STXBP3: variants seen among roughly 807,000 people sequenced by gnomAD.
STXBP3 encodes syntaxin binding protein 3.
In STXBP3, 41 loss-of-function variants were observed where a neutral mutation model predicts 85.7. The observed-to-expected ratio is 0.48, with a 90% CI of 0.37 to 0.62. The LOEUF (loss-of-function observed/expected upper bound fraction) is 0.62. Ranked by LOEUF, STXBP3 falls within the 20% of genes least tolerant of loss-of-function variation. The pLI is 0.00. For synonymous variants in STXBP3, 229 were observed against 231.7 expected (o/e 0.99, Z 0.10); for missense variants, 563 against 703.1 (o/e 0.80, Z 2.25).
intron 1 of STXBP3, 97 bp from the exon 2 acceptor site, chr1:108,752,160 A>G: frequency 8.8e-7 from 1 of 1,137,986 alleles, no homozygotes; most frequent in Non-Finnish European, 1.3e-6. Context: ...AGTTTAACAA[A>G]TTTCAAATTG....
intron 16 of STXBP3, among the ~76,000 whole-genome samples, chr1:108,799,296 T>A (rs1418246580): frequency 6.6e-6 from 1 of 152,228 alleles, no homozygotes; most frequent in African/African-American, 2.4e-5. Flanking sequence ...TTTTCCTTTC[T>A]CACAGGGATG....
chr1:108,768,604 T>C (rs1241777398), intron 6 of STXBP3, among the ~76,000 whole-genome samples: 1 of 152,068 alleles, frequency 6.6e-6, no homozygotes, highest in Non-Finnish European at 1.5e-5. Context: ...TGTAGGTAGG[T>C]TGGGGCTATT....
In STXBP3 at chr1:108,769,987, G is replaced by C. The variant is rs967758891; in HGVS notation, c.439-2678G>C. 2.6e-5 allele frequency among the ~76,000 whole-genome samples: 4 copies of C among 152,154 alleles called. No individual in the cohort carries two copies. In the East Asian group the frequency reaches 5.8e-4, roughly 22 times the overall value. On this transcript the variant is annotated intron_variant, in intron 6 of 18. Transcript: ENST00000370008. Reference sequence around the variant, plus strand: ...AAGCTTCTGCTGGGAAGTGGCACGTGTATCTTCTACATACATTCCAGGCTG... The same window carrying C: ...AAGCTTCTGCTGGGAAGTGGCACGTCTATCTTCTACATACATTCCAGGCTG...
At chr1:108,796,183 A>G (rs1447038590) in intron 13 of STXBP3, 51 bp from the exon 14 acceptor site, 2 of 1,583,322 alleles carry the variant, frequency 1.3e-6, no homozygotes, top group Non-Finnish European at 1.7e-6. Context: ...GTTTTTAACT[A>G]AAAAATGAAT....
At position 108,756,785 on chromosome 1, in the gene STXBP3, T is replaced by C; in HGVS notation, c.258+19T>C. ...ATCAAAGGTGAGTATTTTGAGACCT[T>C]AAAAAGCAGGTTCATCAATATTTCA... On this transcript the variant is annotated intron_variant, in intron 4 of 18. Coordinates refer to ENST00000370008, the MANE Select transcript of STXBP3 (RefSeq NM_007269.4). The C allele has an allele frequency of 6.4e-7, 1 of 1,554,904 alleles. No homozygotes were observed. Among genetic ancestry groups the C allele is most frequent in the Non-Finnish European group, 8.7e-7 (1 of 1,143,742 alleles).
chr1:108,770,999 G>T (rs1410086411), intron 6 of STXBP3, among the ~76,000 whole-genome samples: 1 of 152,056 alleles, frequency 6.6e-6, no homozygotes, highest in Non-Finnish European at 1.5e-5. Context: ...AACTATGGGA[G>T]ATTTTTGGGT....
At position 108,765,846 on chromosome 1, in the gene STXBP3, ATTTTTTTT is replaced by A. The variant is rs1221460441; in HGVS notation, c.438+5778_438+5785del. 6.5e-4 allele frequency among the ~76,000 whole-genome samples: 48 copies of A among 74,028 alleles called. 1 individual carries two copies. Among genetic ancestry groups the A allele is most frequent in the African/African-American group, 2.8e-3 (47 of 16,964 alleles). The allele number at this position is 74,028 out of a possible 152,430, so 48.6% of individuals were successfully genotyped here. A position where few individuals can be genotyped will look rare whatever the true frequency, so the allele number is the denominator to read the frequency against. ...ACAGGTGTGAGCCACTGCTCCCGGC[ATTTTTTTT>A]TTTTTTTTTTTTTTTTGGAGACAGA... On this transcript the variant is annotated intron_variant, in intron 6 of 18. Transcript: ENST00000370008.
chr1:108,790,767 T>G (rs1439079299), intron 11 of STXBP3, among the ~76,000 whole-genome samples: 5 of 152,146 alleles, frequency 3.3e-5, no homozygotes, highest in Non-Finnish European at 7.4e-5. Context: ...TACCCTAGTT[T>G]AATAGTATGT....
chr1:108,803,534 G>T (rs1663272405), intron 17 of STXBP3, among the ~76,000 whole-genome samples: 1 of 152,048 alleles, frequency 6.6e-6, no homozygotes, highest in Non-Finnish European at 1.5e-5. Flanking sequence ...TGTCATCCAG[G>T]CCGCAGTGCA....
At chr1:108,772,542 A>C in intron 6 of STXBP3, 123 bp from the exon 7 acceptor site, 1 of 272,900 alleles carries the variant, frequency 3.7e-6, no homozygotes, top group Non-Finnish European at 5.9e-6. Context: ...TATCTATATA[A>C]TATATAAATA....
intron 1 of STXBP3, among the ~76,000 whole-genome samples, chr1:108,747,912 G>A (rs1176527167): frequency 1.3e-5 from 2 of 152,104 alleles, no homozygotes; most frequent in Admixed American, 1.3e-4. Flanking sequence ...TTAAAACAAT[G>A]GTATTTAAAT....
At chr1:108,792,199 A>G (rs1662987597) in intron 11 of STXBP3, among the ~76,000 whole-genome samples, 1 of 152,184 alleles carries the variant, frequency 6.6e-6, no homozygotes, top group Admixed American at 6.6e-5. Flanking sequence ...TTTTTAGAAA[A>G]TAAATTCTAG....
chr1:108,796,086 C>T, intron 13 of STXBP3, 148 bp from the exon 14 acceptor site: 1 of 684,382 alleles, frequency 1.5e-6, no homozygotes, highest in Non-Finnish European at 2.3e-6. Context: ...AGGCTAGTCT[C>T]CAACTCCTGA....
At chr1:108,797,304 A>G (rs1179515678) in intron 15 of STXBP3, among the ~76,000 whole-genome samples, 2 of 139,634 alleles carry the variant, frequency 1.4e-5, no homozygotes, top group Non-Finnish European at 3.0e-5. Context: ...CCAAAATCAC[A>G]CCACTGTACT....
Position 108,800,273 on chromosome 1 carries a change from T to C in STXBP3, c.1503T>C (p.Cys501=). 1 of 1,612,456 alleles carries C rather than the reference T, an allele frequency of 6.2e-7. No homozygotes were observed. Among genetic ancestry groups the C allele is most frequent in the Non-Finnish European group, 8.5e-7 (1 of 1,178,680 alleles). The change falls in exon 17 of 19, where the codon TGT becomes TGC. Residue 501 remains cysteine, a synonymous_variant. Transcript: ENST00000370008. ...AAGAATGGCCATATTGTTCCCAGTG[T>C]CCAGCAGTATGGAATGGTTCAGGAG... The part of the protein sequence containing the change: ...DSKEWPYCSQ[C]PAVWNGSGAV...
chr1:108,775,353 T>TA (rs1370773170), intron 7 of STXBP3, among the ~76,000 whole-genome samples: 7 of 152,110 alleles, frequency 4.6e-5, no homozygotes, highest in Admixed American at 3.9e-4. Flanking sequence ...GATACAGACA[T>TA]ACAATGCATA....
chr1:108,769,561 A>T (rs895875000), intron 6 of STXBP3, among the ~76,000 whole-genome samples: 2 of 152,220 alleles, frequency 1.3e-5, no homozygotes, highest in African/African-American at 4.8e-5. Context: ...TGAAGAGTAG[A>T]TGGAAGACAG....
rs570621636 is a variant in STXBP3 at position 108,808,497 on chromosome 1, G to A, written c.1685-286G>A. On this transcript the variant is annotated intron_variant, in intron 18 of 18. Coordinates refer to ENST00000370008, the MANE Select transcript of STXBP3 (RefSeq NM_007269.4). ...TGAACAATAACTGTTATAGTGCTGA[G>A]GATAGGATAATCCCGTTTTGCCCTT... 3.9e-5 allele frequency among the ~76,000 whole-genome samples: 6 copies of A among 152,316 alleles called. 1 individual carries two copies. In the East Asian group the frequency reaches 1.2e-3, roughly 29 times the overall value.
intron 17 of STXBP3, among the ~76,000 whole-genome samples, chr1:108,807,129 G>GT (rs1482326244): frequency 6.6e-6 from 1 of 152,068 alleles, no homozygotes; most frequent in Non-Finnish European, 1.5e-5. Flanking sequence ...GCACATGCCT[G>GT]TAATCCTAGC....
Sources: gnomAD v4.1 joint callset for allele counts (sites outside exome capture counted in the v4.1 genomes callset) on GRCh38, gnomAD v4.1.1 for gene constraint, MANE v1.5 for transcripts, NCBI Gene and HGNC (gene_info 2026-07-23, HGNC 2026-07-21) for gene names.